FGF14: variants seen among roughly 807,000 people sequenced by gnomAD.
The protein encoded by FGF14 is fibroblast growth factor homologous factor 4.
Under a neutral mutation model 25.5 loss-of-function variants are expected in FGF14, and 5 were observed. The ratio of observed to expected loss-of-function variants is 0.20; its 90% confidence interval spans 0.10 to 0.41. The LOEUF is 0.41. Among genes scored for constraint, FGF14 ranks in the 10% least tolerant of loss-of-function variants. The pLI is 1.00. For missense variants in FGF14, 222 were observed against 320.1 expected, an observed-to-expected ratio of 0.69 and a Z score of 2.34; for synonymous variants, 138 against 118.3, an observed-to-expected ratio of 1.17 and a Z score of -1.08.
chr13:102,356,877 TA>T (rs201002648), intron 1 of FGF14, among the ~76,000 whole-genome samples: 101 of 140,222 alleles, frequency 7.2e-4, no homozygotes, highest in Middle Eastern at 3.8e-3. Context: ...ACTTATTAAG[TA>T]AAAAAAAAAA....
intron 1 of FGF14, among the ~76,000 whole-genome samples, chr13:102,364,124 A>C (rs1225341572): frequency 6.6e-6 from 1 of 152,260 alleles, no homozygotes; most frequent in African/African-American, 2.4e-5. Context: ...AGATGCCGTA[A>C]GTGCCACTGG....
chr13:102,179,285 C>T (rs967053407), intron 1 of FGF14, among the ~76,000 whole-genome samples: 15 of 152,222 alleles, frequency 9.9e-5, no homozygotes, highest in Admixed American at 7.2e-4. Context: ...TCTACCACCA[C>T]CTCACATGCT....
intron 1 of FGF14, among the ~76,000 whole-genome samples, chr13:102,073,779 C>T (rs1023375121): frequency 6.6e-5 from 10 of 152,124 alleles, no homozygotes; most frequent in African/African-American, 2.4e-4. Context: ...GTTTAAAACT[C>T]TGTATTTATA....
intron 1 of FGF14, chr13:102,002,283 G>A (rs1594953224): frequency 6.6e-6 from 1 of 152,162 alleles, no homozygotes; most frequent in Admixed American, 6.5e-5. Flanking sequence ...TAGAAGATTG[G>A]ATCCACGCCC....
At chr13:101,781,129 T>C (rs917450623) in intron 3 of FGF14, among the ~76,000 whole-genome samples, 5 of 124,584 alleles carry the variant, frequency 4.0e-5, no homozygotes, top group Non-Finnish European at 6.9e-5. Flanking sequence ...GCTCTCTCTT[T>C]GTCTTTGTCT....
At chr13:102,218,144 T>G (rs1042965548) in intron 1 of FGF14, among the ~76,000 whole-genome samples, 2 of 152,064 alleles carry the variant, frequency 1.3e-5, no homozygotes, top group Admixed American at 1.3e-4. Context: ...GCAGTATTGA[T>G]TCCAAGAGGA....
intron 1 of FGF14, among the ~76,000 whole-genome samples, chr13:102,023,125 A>T (rs1286409445): frequency 2.0e-5 from 3 of 151,852 alleles, no homozygotes; most frequent in Non-Finnish European, 2.9e-5. Context: ...ATTGCTAGGT[A>T]GTGTCTAACT....
intron 1 of FGF14, among the ~76,000 whole-genome samples, chr13:101,937,386 T>C (rs2035171983): frequency 6.6e-6 from 1 of 152,116 alleles, no homozygotes; most frequent in Non-Finnish European, 1.5e-5. Context: ...CCTACTGTAA[T>C]CTGACTGGTG....
At chr13:101,930,336 TTA>T (rs1491369118) in intron 1 of FGF14, among the ~76,000 whole-genome samples, 3 of 152,116 alleles carry the variant, frequency 2.0e-5, no homozygotes, top group African/African-American at 4.8e-5. Context: ...AAGAGCCAAA[TTA>T]ATTTCCTGCA....
intron 1 of FGF14, among the ~76,000 whole-genome samples, chr13:101,983,767 G>C (rs2038403061): frequency 1.3e-5 from 2 of 152,146 alleles, no homozygotes; most frequent in Non-Finnish European, 2.9e-5. Context: ...AGGCATTTCT[G>C]GGCAGCCATA....
intron 1 of FGF14, among the ~76,000 whole-genome samples, chr13:101,962,243 G>T (rs931993538): frequency 6.6e-6 from 1 of 152,096 alleles, no homozygotes; most frequent in African/African-American, 2.4e-5. Flanking sequence ...TTGAGCAGTG[G>T]TTTGTTGCTC....
At chr13:102,378,022 T>C (rs2058080829) in intron 1 of FGF14, among the ~76,000 whole-genome samples, 1 of 152,184 alleles carries the variant, frequency 6.6e-6, no homozygotes, top group Admixed American at 6.5e-5. Flanking sequence ...AACAAGGCTC[T>C]TACTAGGCCT....
At chr13:102,351,995 T>G (rs960888079) in intron 1 of FGF14, among the ~76,000 whole-genome samples, 2 of 152,210 alleles carry the variant, frequency 1.3e-5, no homozygotes, top group Admixed American at 1.3e-4. Context: ...TAAGCAGGAC[T>G]TGAATGCAAG....
chr13:101,799,504 A>G (rs886228452), intron 3 of FGF14, among the ~76,000 whole-genome samples: 3 of 152,122 alleles, frequency 2.0e-5, no homozygotes, highest in African/African-American at 7.2e-5. Context: ...GAAATAAAGG[A>G]TTTAAGGCAG....
At chr13:101,906,292 T>A (rs2032233700) in intron 1 of FGF14, among the ~76,000 whole-genome samples, 1 of 152,148 alleles carries the variant, frequency 6.6e-6, no homozygotes, top group South Asian at 2.1e-4. Flanking sequence ...CAGAAATGAT[T>A]AAGGTGCTGG....
chr13:102,059,816 A>C (rs2042596627), intron 1 of FGF14, among the ~76,000 whole-genome samples: 1 of 151,940 alleles, frequency 6.6e-6, no homozygotes, highest in Non-Finnish European at 1.5e-5. Context: ...GCACCATTGC[A>C]CTCCAGCCTG....
intron 1 of FGF14, chr13:102,294,062 C>A (rs9585887): frequency 0.1 from 15,557 of 152,024 alleles, 1,046 homozygotes; most frequent in Middle Eastern, 0.2. Flanking sequence ...AAAAAATGAA[C>A]AAACACTTAA....
At position 102,219,848 on chromosome 13, in the gene FGF14, T is replaced by C. The variant is rs151024326; in HGVS notation, c.208+181623A>G. Among the ~76,000 whole-genome samples the C allele has an allele frequency of 2.8e-3, 422 of 152,270 alleles. 2 individuals carry two copies. The highest frequency in any genetic ancestry group is 7.2e-3 in the Admixed American group (110 of 15,276). On this transcript the variant is annotated intron_variant, in intron 1 of 4. Coordinates refer to the FGF14 transcript ENST00000376131. ...TGAAACCTAACCCAGGGACATTACT[T>C]GTATTTTATAGTGCGGTTATGGTTG...
upstream of FGF14, chr13:102,402,258 A>C (rs976925170): frequency 2.0e-5 from 3 of 153,224 alleles, no homozygotes; most frequent in Non-Finnish European, 4.3e-5. Flanking sequence ...AATCACCACG[A>C]AGAAAAGATG....
Sources: allele counts gnomAD v4.1 joint callset (sites outside exome capture counted in the v4.1 genomes callset), GRCh38; gene constraint gnomAD v4.1.1; transcripts MANE v1.5; gene names NCBI Gene and HGNC (gene_info 2026-07-23, HGNC 2026-07-21).